PAQR9: variants seen among roughly 807,000 people sequenced by gnomAD.
PAQR9 encodes the protein progestin and adipoQ receptor family member 9, also known as membrane progestin receptor epsilon.
A neutral mutation model predicts 24.0 loss-of-function variants in PAQR9; 12 were observed. The ratio of observed to expected loss-of-function variants is 0.50; its 90% CI spans 0.32 to 0.81. The LOEUF is 0.81. Ranked by LOEUF, PAQR9 falls within the 30% of genes least tolerant of loss-of-function variation. The probability of loss-of-function intolerance (pLI) is 0.03; values close to 1 mark genes in which losing one functional copy is unlikely to be tolerated. For synonymous variants in PAQR9, 266 were observed against 237.6 expected, an observed-to-expected ratio of 1.12 and a Z score of -1.10; for missense variants, 418 against 520.8, an observed-to-expected ratio of 0.80 and a Z score of 1.92.
downstream of PAQR9, among the ~76,000 whole-genome samples, chr3:142,951,410 A>C (rs1047242144): frequency 6.6e-6 from 1 of 152,214 alleles, no homozygotes; most frequent in Non-Finnish European, 1.5e-5. Flanking sequence ...TGTTTTGCCA[A>C]GGAAAATTAA....
rs1026911185 is a variant in PAQR9 at position 142,958,964 on chromosome 3, G to A, written c.*3239C>T. 6.6e-6 allele frequency among the ~76,000 whole-genome samples: 1 copy of A among 152,110 alleles called. No individual in the cohort carries two copies. Among genetic ancestry groups the A allele is most frequent in the Non-Finnish European group, 1.5e-5 (1 of 68,022 alleles). ...GAGTCAGCCCCAGAGACCAACCCAC[G>A]GGGTGACAGGCACCGAAGTCAAACA... On this transcript the variant is annotated 3_prime_UTR_variant, in exon 1 of 1. Transcript: ENST00000340634.
At chr3:142,963,826 G>A (rs1934971781), upstream of PAQR9, 1 of 985,320 alleles carries the variant, frequency 1.0e-6, no homozygotes, top group Non-Finnish European at 1.2e-6. Context: ...GGGGGATAGA[G>A]TTGTCCCCTG....
downstream of PAQR9, chr3:142,950,248 T>TA (rs1934695198): frequency 1.0e-5 from 1 of 99,738 alleles, no homozygotes; most frequent in South Asian, 2.4e-4. Context: ...GTAAGCCTTG[T>TA]AATTTTTTGT....
chr3:142,953,109 G>T (rs537462551), downstream of PAQR9, among the ~76,000 whole-genome samples: 1 of 152,162 alleles, frequency 6.6e-6, no homozygotes, highest in Non-Finnish European at 1.5e-5. Flanking sequence ...TAGGCCACAG[G>T]GGGTGATGGC....
downstream of PAQR9, chr3:142,950,458 C>A: frequency 3.8e-6 from 1 of 263,396 alleles, no homozygotes; most frequent in Non-Finnish European, 7.9e-6. Context: ...TTTTTCAGTT[C>A]AGCTTTTTAC....
At position 142,956,861 on chromosome 3, in the gene PAQR9, A is replaced by T. The variant is rs528642617; in HGVS notation, c.*5342T>A. Among the ~76,000 whole-genome samples the T allele has an allele frequency of 9.8e-5, 15 of 152,344 alleles. No individual in the cohort carries two copies. Among genetic ancestry groups the T allele is most frequent in the African/African-American group, 3.1e-4 (13 of 41,590 alleles). ...TTGGAAGAGTGACTAAGAAGAACTG[A>T]CATCCATTTTCACAATTAAGAAATA... On this transcript the variant is annotated 3_prime_UTR_variant, in exon 1 of 1. Transcript: ENST00000340634.
chr3:142,964,006 A>G (rs1032991401), upstream of PAQR9: 1 of 436,568 alleles, frequency 2.3e-6, no homozygotes, highest in African/African-American at 2.1e-5. Flanking sequence ...TCTGGAGGAC[A>G]CTGGGGAGCC....
At chr3:142,950,489 C>G (rs1934698284), downstream of PAQR9, 2 of 352,048 alleles carry the variant, frequency 5.7e-6, no homozygotes. Context: ...GGAGTGACAA[C>G]TTCTAAGCTC....
rs573241495 is a variant in PAQR9, at chr3:142,954,741, A to AT, written c.*7461dup. Among the ~76,000 whole-genome samples the AT allele has an allele frequency of 2.6e-5, 4 of 151,424 alleles. No homozygotes were observed. Among genetic ancestry groups the AT allele is most frequent in the Non-Finnish European group, 2.9e-5 (2 of 67,800 alleles). On this transcript the variant is annotated 3_prime_UTR_variant, in exon 1 of 1. Transcript: ENST00000340634. ...AAATCATACAACAGAAATGTGTCAC[A>AT]TTTTTTTTTCAGCTACATGCACAGA...
In PAQR9 at chr3:142,961,926, G is replaced by C. The variant is rs1467538200; in HGVS notation, c.*277C>G. ...TTGGGATTTTACTCACTGCCTTTGAGAAATCCCTGGATGTCAAAGACATCA... is the reference window on the plus strand; with the variant it reads ...TTGGGATTTTACTCACTGCCTTTGACAAATCCCTGGATGTCAAAGACATCA... On this transcript the variant is annotated 3_prime_UTR_variant, in exon 1 of 1. Transcript: ENST00000340634. 1 of 433,164 alleles carries C rather than the reference G, an allele frequency of 2.3e-6. No individual in the cohort carries two copies. Among genetic ancestry groups the C allele is most frequent in the Non-Finnish European group, 4.2e-6 (1 of 238,532 alleles). The allele number at this position is 433,164 out of a possible 1,614,324, so 26.8% of individuals were successfully genotyped here.
downstream of PAQR9, chr3:142,952,826 C>T (rs1281848887): frequency 1.1e-5 from 5 of 456,596 alleles, no homozygotes; most frequent in Non-Finnish European, 2.2e-5. Flanking sequence ...ATCCAATCTT[C>T]CGTGATTTGT....
downstream of PAQR9, chr3:142,950,476 GA>G (rs1263048877): frequency 3.3e-6 from 1 of 306,838 alleles, no homozygotes; most frequent in African/African-American, 2.2e-5. Context: ...TACTTGTTAA[GA>G]TGGAGTGACA....
downstream of PAQR9, chr3:142,951,733 G>A (rs2108237530): frequency 2.2e-6 from 1 of 456,660 alleles, no homozygotes; most frequent in Non-Finnish European, 4.4e-6. Flanking sequence ...AAGTCCTTCA[G>A]CTATACCGGT....
In PAQR9 at chr3:142,959,023, C is replaced by T. The variant is rs140016918; in HGVS notation, c.*3180G>A. ...TTCCAGGCATGACTCTATGGCGCCG[C>T]TCCTTGAGATGTCATCCAGATCATG... On this transcript the variant is annotated 3_prime_UTR_variant, in exon 1 of 1. Coordinates refer to ENST00000340634, the MANE Select transcript of PAQR9 (RefSeq NM_198504.4). Among the ~76,000 whole-genome samples the T allele has an allele frequency of 8.1e-4, 124 of 152,278 alleles. No homozygotes were observed. The highest frequency in any genetic ancestry group is 1.5e-3 in the Non-Finnish European group (100 of 68,022).
In PAQR9 at chr3:142,956,449, G is replaced by C. The variant is rs1467749283; in HGVS notation, c.*5754C>G. Among the ~76,000 whole-genome samples, 1 of 152,174 alleles carries C rather than the reference G, an allele frequency of 6.6e-6. No homozygotes were observed. Among genetic ancestry groups the C allele is most frequent in the African/African-American group, 2.4e-5 (1 of 41,440 alleles). On this transcript the variant is annotated 3_prime_UTR_variant, in exon 1 of 1. Coordinates refer to ENST00000340634, the MANE Select transcript of PAQR9 (RefSeq NM_198504.4). ...ATTTTCCTTGAGAAATGCCATGTTTGGAATAGCTTCCAGAGATTGATTGAG... is the reference window on the plus strand; with the variant it reads ...ATTTTCCTTGAGAAATGCCATGTTTCGAATAGCTTCCAGAGATTGATTGAG...
Position 142,962,387 on chromosome 3 carries a change from AAG to A in PAQR9, c.948_949del (p.Phe317HisfsTer59). On this transcript the variant is annotated frameshift_variant, in exon 1 of 1. Coordinates refer to ENST00000340634, the MANE Select transcript of PAQR9 (RefSeq NM_198504.4). LOFTEE classifies it high-confidence loss of function. ...CTGGTCGTAGATGCTGAGGAAGGTG[AAG>A]ATGTGGAAGAGCTGGTGGCTGTGGC... 1 of 1,614,152 alleles carries A rather than the reference AAG, an allele frequency of 6.2e-7. No individual in the cohort carries two copies. The highest frequency in any genetic ancestry group is 8.5e-7 in the Non-Finnish European group (1 of 1,180,028).
In PAQR9 at chr3:142,963,137, G is replaced by A; in HGVS notation, c.200C>T (p.Pro67Leu). Residue 67 changes from proline (P) to leucine (L), a missense_variant, in exon 1 of 1, where the codon CCG becomes CTG. Coordinates refer to ENST00000340634, the MANE Select transcript of PAQR9 (RefSeq NM_198504.4). ...GGCTAGGCACTCCTGGGCCGTGCAC[G>A]GCAGACGCCGGTAGCCCGACAGGAT... ...CFILSGYRRL[P>L]CTAQECLASV... 6.2e-7 allele frequency: 1 copy of A among 1,610,634 alleles called. No individual in the cohort carries two copies. Among genetic ancestry groups the A allele is most frequent in the Non-Finnish European group, 8.5e-7 (1 of 1,178,354 alleles).
At chr3:142,952,022 C>CA (rs1578077203), downstream of PAQR9, among the ~76,000 whole-genome samples, 1 of 129,068 alleles carries the variant, frequency 7.7e-6, no homozygotes, top group Admixed American at 9.1e-5. Context: ...ACTACTCTTT[C>CA]AAAAAAGCCT....
chr3:142,958,577 C>T lies in PAQR9; in HGVS notation c.*3626G>A, dbSNP rs1459471312. Among the ~76,000 whole-genome samples the T allele has an allele frequency of 6.6e-6, 1 of 152,128 alleles. No homozygotes were observed. The highest frequency in any genetic ancestry group is 1.5e-5 in the Non-Finnish European group (1 of 68,028). ...TTGCTGTTAGTCCTCAGAGTTGGCA[C>T]CAAATCAGGAAAAAATGATATAAAT... On this transcript the variant is annotated 3_prime_UTR_variant, in exon 1 of 1. Transcript: ENST00000340634.
Sources: allele counts gnomAD v4.1 joint callset (sites outside exome capture counted in the v4.1 genomes callset), GRCh38; gene constraint gnomAD v4.1.1; transcripts MANE v1.5; gene names NCBI Gene and HGNC (gene_info 2026-07-23, HGNC 2026-07-21).